BPNT1: variants seen among roughly 807,000 people sequenced by gnomAD.
BPNT1 encodes the protein 3'(2'), 5'-bisphosphate nucleotidase 1.
A neutral mutation model predicts 36.9 loss-of-function variants in BPNT1; 28 were observed. That is an observed-to-expected ratio of 0.76 (90% CI 0.56 to 1.04). The LOEUF is 1.04. Among genes scored for constraint, BPNT1 ranks in the 50% least tolerant of loss-of-function variants. The probability of loss-of-function intolerance (pLI) is 0.00; values close to 1 mark genes in which losing one functional copy is unlikely to be tolerated. For missense variants in BPNT1, 313 were observed against 372.9 expected, an observed-to-expected ratio of 0.84 and a Z score of 1.32; for synonymous variants, 119 against 130.9, an observed-to-expected ratio of 0.91 and a Z score of 0.62.
chr1:220,071,838 C>A (rs1220954797), intron 4 of BPNT1, among the ~76,000 whole-genome samples: 1 of 151,902 alleles, frequency 6.6e-6, no homozygotes, highest in East Asian at 2.0e-4. Flanking sequence ...CAGGCATGTG[C>A]CACCACGCCC....
intron 8 of BPNT1, 102 bp downstream of exon 8, chr1:220,059,584 A>T: frequency 1.1e-6 from 1 of 898,052 alleles, no homozygotes; most frequent in Non-Finnish European, 1.7e-6. Context: ...TCTAGCTTTT[A>T]TATCGTAACA....
chr1:220,068,948 CT>C (rs1433257573), intron 5 of BPNT1, among the ~76,000 whole-genome samples: 1 of 152,040 alleles, frequency 6.6e-6, no homozygotes, highest in African/African-American at 2.4e-5. Context: ...CAAAACCCAC[CT>C]TTAGAAGGTG....
intron 2 of BPNT1, among the ~76,000 whole-genome samples, chr1:220,076,233 G>A (rs1374843961): frequency 1.3e-5 from 2 of 152,104 alleles, no homozygotes; most frequent in Non-Finnish European, 2.9e-5. Context: ...CAGGCGTGGT[G>A]GCTCATGCCT....
intron 7 of BPNT1, 42 bp from the exon 8 acceptor site, chr1:220,059,833 G>A: frequency 1.4e-6 from 2 of 1,421,068 alleles, no homozygotes; most frequent in African/African-American, 1.4e-5. Context: ...ATAATAGAAA[G>A]AATAATTGAA....
intron 1 of BPNT1, among the ~76,000 whole-genome samples, chr1:220,085,665 A>G (rs986339147): frequency 7.9e-5 from 12 of 152,230 alleles, no homozygotes; most frequent in African/African-American, 2.9e-4. Flanking sequence ...AGTTTCTCCA[A>G]CAGTATTCTG....
intron 2 of BPNT1, among the ~76,000 whole-genome samples, chr1:220,077,551 C>A (rs1355655828): frequency 6.6e-6 from 1 of 152,050 alleles, no homozygotes; most frequent in Non-Finnish European, 1.5e-5. Flanking sequence ...GCATGTCCCA[C>A]CATGTCAGAT....
At chr1:220,068,869 A>G (rs906171348) in intron 5 of BPNT1, among the ~76,000 whole-genome samples, 2 of 152,118 alleles carry the variant, frequency 1.3e-5, no homozygotes, top group African/African-American at 2.4e-5. Flanking sequence ...TTATATGGCC[A>G]ATTTTATTTT....
intron 2 of BPNT1, among the ~76,000 whole-genome samples, chr1:220,075,565 T>G (rs1219668101): frequency 6.6e-6 from 1 of 152,202 alleles, no homozygotes; most frequent in Non-Finnish European, 1.5e-5. Context: ...AAAGAATTGT[T>G]GAGTTTGAAG....
intron 4 of BPNT1, among the ~76,000 whole-genome samples, chr1:220,071,642 G>GATT (rs1664069070): frequency 1.3e-5 from 2 of 152,134 alleles, no homozygotes; most frequent in Admixed American, 1.3e-4. Flanking sequence ...TAGACCAATA[G>GATT]AATATAACTG....
intron 4 of BPNT1, among the ~76,000 whole-genome samples, chr1:220,069,859 T>C (rs1337492696): frequency 6.6e-6 from 1 of 151,502 alleles, no homozygotes; most frequent in East Asian, 1.9e-4. Context: ...TCACTTGAAC[T>C]CAGGAGGCGG....
At chr1:220,078,508 ATATAAT>A (rs1468093881) in intron 2 of BPNT1, among the ~76,000 whole-genome samples, 7 of 140,390 alleles carry the variant, frequency 5.0e-5, no homozygotes, top group South Asian at 2.1e-4. Context: ...ATTTTATATA[ATATAAT>A]TATATATAAT....
chr1:220,082,341 C>G (rs571751701), intron 1 of BPNT1, among the ~76,000 whole-genome samples: 9 of 151,346 alleles, frequency 5.9e-5, no homozygotes, highest in African/African-American at 1.9e-4. Flanking sequence ...CTACCACACT[C>G]GGCTAATTTT....
At chr1:220,073,935 G>T in intron 3 of BPNT1, 32 bp downstream of exon 3, 4 of 1,579,204 alleles carry the variant, frequency 2.5e-6, no homozygotes, top group South Asian at 2.2e-5. Context: ...GGTAAACAGA[G>T]ATTTTAAAAA....
At chr1:220,082,081 T>TAGAGAGAGAGAGAG (rs1436682340) in intron 1 of BPNT1, among the ~76,000 whole-genome samples, 1 of 109,806 alleles carries the variant, frequency 9.1e-6, no homozygotes, top group African/African-American at 3.3e-5. Flanking sequence ...TATATATATA[T>TAGAGAGAGAGAGAG]ATATAGAGAG....
chr1:220,074,104 A>G (rs1192848663), intron 2 of BPNT1, 33 bp from the exon 3 acceptor site: 4 of 1,590,586 alleles, frequency 2.5e-6, no homozygotes, highest in Non-Finnish European at 3.4e-6. Flanking sequence ...TAGCAGAGCT[A>G]ATGAAAAATA....
chr1:220,068,423 C>T (rs970755292), intron 5 of BPNT1, among the ~76,000 whole-genome samples: 4 of 151,250 alleles, frequency 2.6e-5, no homozygotes, highest in African/African-American at 9.7e-5. Context: ...ACCTAATTAT[C>T]TGCCCACCTC....
At chr1:220,066,788 T>C (rs1663571236) in intron 6 of BPNT1, among the ~76,000 whole-genome samples, 1 of 152,200 alleles carries the variant, frequency 6.6e-6, no homozygotes, top group African/African-American at 2.4e-5. Flanking sequence ...TGACTGTAAC[T>C]TAGGCGCTAC....
chr1:220,070,445 A>G (rs1663959735), intron 4 of BPNT1, among the ~76,000 whole-genome samples: 1 of 152,056 alleles, frequency 6.6e-6, no homozygotes, highest in African/African-American at 2.4e-5. Flanking sequence ...TCCCGGGTTC[A>G]TGCCATTCTC....
At chr1:220,083,400 CG>C (rs1417663237) in intron 1 of BPNT1, among the ~76,000 whole-genome samples, 1 of 151,586 alleles carries the variant, frequency 6.6e-6, no homozygotes, top group Non-Finnish European at 1.5e-5. Flanking sequence ...CTACAAACTC[CG>C]TCTCCCGGGT....
Sources: gnomAD v4.1 joint callset for allele counts (sites outside exome capture counted in the v4.1 genomes callset) on GRCh38, gnomAD v4.1.1 for gene constraint, MANE v1.5 for transcripts, NCBI Gene and HGNC (gene_info 2026-07-23, HGNC 2026-07-21) for gene names.